The following ITGBL1 variants were observed in gnomAD, a reference collection of about 807,000 sequenced individuals.
ITGBL1 encodes integrin subunit beta like 1.
In ITGBL1, 51 loss-of-function variants were observed where a neutral mutation model predicts 68.5. That is an observed-to-expected ratio of 0.74 (90% CI 0.59 to 0.94). The LOEUF is 0.94. Among genes scored for constraint, ITGBL1 ranks in the 40% least tolerant of loss-of-function variants. The probability of loss-of-function intolerance (pLI) is 0.00; values close to 1 mark genes in which losing one functional copy is unlikely to be tolerated. For missense variants in ITGBL1, 649 were observed against 647.4 expected (o/e 1.00, Z -0.03); for synonymous variants, 209 against 227.3 (o/e 0.92, Z 0.72).
chr13:101,480,787 A>G (rs1370935674), intron 2 of ITGBL1, among the ~76,000 whole-genome samples: 1 of 152,076 alleles, frequency 6.6e-6, no homozygotes, highest in Non-Finnish European at 1.5e-5. Context: ...AGTGCTTTAT[A>G]TGTGAGGAGT....
chr13:101,506,572 T>A (rs2049030465), intron 2 of ITGBL1, among the ~76,000 whole-genome samples: 1 of 152,136 alleles, frequency 6.6e-6, no homozygotes, highest in African/African-American at 2.4e-5. Flanking sequence ...AGAGCCAGAA[T>A]TGTCCCTGCC....
chr13:101,636,001 G>C (rs2032159313), intron 7 of ITGBL1, among the ~76,000 whole-genome samples: 1 of 151,978 alleles, frequency 6.6e-6, no homozygotes, highest in African/African-American at 2.4e-5. Flanking sequence ...AAAAATTAAA[G>C]AACATAAAAA....
chr13:101,689,479 C>T (rs2033835565), intron 7 of ITGBL1, among the ~76,000 whole-genome samples: 1 of 151,834 alleles, frequency 6.6e-6, no homozygotes, highest in South Asian at 2.1e-4. Context: ...CAGGCACGTG[C>T]CTGTAGTCCC....
intron 2 of ITGBL1, among the ~76,000 whole-genome samples, chr13:101,470,699 G>T (rs116554979): frequency 0.085 from 12,923 of 152,108 alleles, 794 homozygotes; most frequent in African/African-American, 0.17. Flanking sequence ...GGGTGGAGGG[G>T]TGGTGTTTAG....
At chr13:101,538,922 A>T (rs1210371128) in intron 2 of ITGBL1, among the ~76,000 whole-genome samples, 1 of 152,148 alleles carries the variant, frequency 6.6e-6, no homozygotes, top group African/African-American at 2.4e-5. Flanking sequence ...TTACAGATGA[A>T]TATTCTGTGA....
At chr13:101,644,475 A>G (rs564735278) in intron 7 of ITGBL1, among the ~76,000 whole-genome samples, 7 of 152,294 alleles carry the variant, frequency 4.6e-5, no homozygotes, top group African/African-American at 1.7e-4. Flanking sequence ...CCTTGGAGAT[A>G]TTAAGTAGGA....
intron 2 of ITGBL1, among the ~76,000 whole-genome samples, chr13:101,542,237 G>A (rs2049720310): frequency 6.6e-6 from 1 of 152,194 alleles, no homozygotes; most frequent in South Asian, 2.1e-4. Context: ...ATGTGTCTCA[G>A]AGATTCTGGT....
At chr13:101,521,085 A>C (rs3905239) in intron 2 of ITGBL1, among the ~76,000 whole-genome samples, 115,507 of 152,166 alleles carry the variant, frequency 0.76, 43,982 homozygotes, top group African/African-American at 0.82. Context: ...GAATGGAAAA[A>C]TATGTAGTAC....
chr13:101,718,121 G>A (rs375161820), downstream of ITGBL1: 7 of 152,052 alleles, frequency 4.6e-5, no homozygotes, highest in South Asian at 2.1e-4. Flanking sequence ...CCATAGTACC[G>A]GAACTGTATT....
At chr13:101,605,068 G>A (rs568318187) in intron 7 of ITGBL1, among the ~76,000 whole-genome samples, 2 of 140,684 alleles carry the variant, frequency 1.4e-5, no homozygotes, top group Admixed American at 7.2e-5. Flanking sequence ...GTGTATATGT[G>A]TATATACATA....
intron 7 of ITGBL1, among the ~76,000 whole-genome samples, chr13:101,689,054 A>T (rs78567541): frequency 8.0e-6 from 1 of 124,332 alleles, no homozygotes; most frequent in Non-Finnish European, 1.7e-5. Context: ...AAAAAAAAAA[A>T]ATCATCTGGG....
chr13:101,531,755 C>T (rs893404388), intron 2 of ITGBL1, among the ~76,000 whole-genome samples: 2 of 147,132 alleles, frequency 1.4e-5, no homozygotes, highest in Admixed American at 6.8e-5. Flanking sequence ...GTTTTTTAGA[C>T]GGAGTCTCGC....
At chr13:101,647,634 A>G (rs2032604914) in intron 7 of ITGBL1, among the ~76,000 whole-genome samples, 1 of 152,218 alleles carries the variant, frequency 6.6e-6, no homozygotes, top group Non-Finnish European at 1.5e-5. Context: ...GTGCAGGGAA[A>G]GAGGGTGAGA....
intron 7 of ITGBL1, among the ~76,000 whole-genome samples, chr13:101,625,929 A>G (rs2031759634): frequency 6.6e-6 from 1 of 152,144 alleles, no homozygotes; most frequent in Non-Finnish European, 1.5e-5. Flanking sequence ...ATTTTTCATC[A>G]ACCCTATAAT....
At chr13:101,649,906 G>T (rs2032687256) in intron 7 of ITGBL1, among the ~76,000 whole-genome samples, 1 of 152,110 alleles carries the variant, frequency 6.6e-6, no homozygotes, top group African/African-American at 2.4e-5. Context: ...AGCTCTCAGG[G>T]CTGGAACCAG....
In ITGBL1 at chr13:101,453,958, G is replaced by T. The variant is rs1454097175; in HGVS notation, c.174G>T (p.Pro58=). 4.0e-6 allele frequency: 6 copies of T among 1,494,448 alleles called. No individual in the cohort carries two copies. Among genetic ancestry groups the T allele is most frequent in the Non-Finnish European group, 5.4e-6 (6 of 1,116,448 alleles). The allele number at this position is 1,494,448 out of a possible 1,614,324, so 92.6% of individuals were successfully genotyped here. A position where few individuals can be genotyped will look rare whatever the true frequency, so the allele number is the denominator to read the frequency against. The change falls in exon 2 of 11, where the codon CCG becomes CCT. Residue 58 remains proline (P), a synonymous_variant. Coordinates refer to ENST00000376180, the MANE Select transcript of ITGBL1 (RefSeq NM_004791.3). The part of the protein sequence containing the change: ...ERRCRAPGQP[P]GAALCHGRGR... ...GCTGCCGCGCACCTGGGCAGCCCCC[G>T]GGGGCCGCGCTGTGCCACGGCCGGG...
chr13:101,563,079 T>G (rs1011085903), intron 2 of ITGBL1, among the ~76,000 whole-genome samples: 3 of 150,938 alleles, frequency 2.0e-5, no homozygotes, highest in East Asian at 1.9e-4. Context: ...ATAAAATAAT[T>G]TATAAATAAA....
chr13:101,673,350 A>G (rs1315401767), intron 7 of ITGBL1, among the ~76,000 whole-genome samples: 2 of 152,232 alleles, frequency 1.3e-5, no homozygotes, highest in Non-Finnish European at 2.9e-5. Flanking sequence ...GGTAACTTCA[A>G]CAGCATCTCT....
chr13:101,463,445 T>C (rs1247912303), intron 2 of ITGBL1, among the ~76,000 whole-genome samples: 1 of 152,198 alleles, frequency 6.6e-6, no homozygotes, highest in African/African-American at 2.4e-5. Flanking sequence ...ACCTGCCTTT[T>C]GTGTTCCTGT....
Sources: allele counts gnomAD v4.1 joint callset (sites outside exome capture counted in the v4.1 genomes callset), GRCh38; gene constraint gnomAD v4.1.1; transcripts MANE v1.5; gene names NCBI Gene and HGNC (gene_info 2026-07-23, HGNC 2026-07-21).